Variants in RCC1L observed in about 807,000 individuals in gnomAD.
RCC1L encodes RCC1 like.
Under a neutral mutation model 58.6 loss-of-function variants are expected in RCC1L, and 46 were observed. That is an observed-to-expected ratio of 0.79 (90% confidence interval 0.62 to 1.00). RCC1L has a LOEUF of 1.00. Among genes scored for constraint, RCC1L ranks in the 50% least tolerant of loss-of-function variants. The pLI is 0.00. For synonymous variants in RCC1L, 281 were observed against 262.9 expected (o/e 1.07, Z -0.67); for missense variants, 636 against 623.6 (o/e 1.02, Z -0.21).
chr7:75,042,101 T>C (rs1772279669), downstream of RCC1L: 2 of 835,530 alleles, frequency 2.4e-6, no homozygotes, highest in African/African-American at 3.7e-5. Context: ...TTTCACTGGC[T>C]TCTGCCTCTG....
downstream of RCC1L, among the ~76,000 whole-genome samples, chr7:75,040,157 C>T (rs1805520952): frequency 6.6e-6 from 1 of 152,104 alleles, no homozygotes; most frequent in South Asian, 2.1e-4. Context: ...TTGCTATGTC[C>T]AAAGTCAAGA....
At position 75,066,692 on chromosome 7, in the gene RCC1L, G is replaced by C; in HGVS notation, c.555C>G (p.His185Gln). 6.2e-7 allele frequency: 1 copy of C among 1,613,206 alleles called. No individual in the cohort carries two copies. Among genetic ancestry groups the C allele is most frequent in the Non-Finnish European group, 8.5e-7 (1 of 1,179,558 alleles). The part of the protein sequence containing the change: ...RVLQVSCGRA[H>Q]SLVLTDREGV... Reference sequence around the variant, plus strand: ...CTTCCCTGTCAGTCAACACAAGAGAGTGAGCTCGGCCGCAGGAGACCTGCA... The same window carrying C: ...CTTCCCTGTCAGTCAACACAAGAGACTGAGCTCGGCCGCAGGAGACCTGCA... The change falls in exon 3 of 11, where the codon CAC becomes CAG. Residue 185 changes from histidine (H) to glutamine (Q), a missense_variant. Coordinates refer to ENST00000610322, the MANE Select transcript of RCC1L (RefSeq NM_030798.5).
intron 2 of RCC1L, among the ~76,000 whole-genome samples, chr7:75,069,751 G>C (rs1442570061): frequency 6.6e-6 from 1 of 151,852 alleles, no homozygotes; most frequent in Non-Finnish European, 1.5e-5. Flanking sequence ...TTTTAGTAGA[G>C]ACGGGGTTTC....
chr7:75,034,229 A>G (rs1701495204), intron 10 of RCC1L, among the ~76,000 whole-genome samples: 1 of 152,178 alleles, frequency 6.6e-6, no homozygotes, highest in African/African-American at 2.4e-5. Context: ...AAGAAAGGTG[A>G]TTGCAGCTGG....
At chr7:75,068,071 C>A (rs1472484519) in intron 2 of RCC1L, among the ~76,000 whole-genome samples, 3 of 151,706 alleles carry the variant, frequency 2.0e-5, no homozygotes, top group Non-Finnish European at 4.4e-5. Flanking sequence ...TGTAATCCCA[C>A]CACTTTGGGA....
At chr7:75,064,801 C>T in intron 3 of RCC1L, 153 bp from the exon 4 acceptor site, 1 of 813,744 alleles carries the variant, frequency 1.2e-6, no homozygotes, top group African/African-American at 1.7e-5. Flanking sequence ...TTCTCAGGCT[C>T]TGCAGAAACT....
At chr7:75,046,894 G>C (rs2131980831) in intron 10 of RCC1L, among the ~76,000 whole-genome samples, 1 of 152,268 alleles carries the variant, frequency 6.6e-6, no homozygotes, top group African/African-American at 2.4e-5. Flanking sequence ...GTGGGGACAA[G>C]AGAGCCAGAG....
rs1470891308 is a variant in RCC1L at position 75,059,200 on chromosome 7, A to G, written c.788-431T>C. 2.1e-4 allele frequency among the ~76,000 whole-genome samples: 32 copies of G among 150,992 alleles called. No homozygotes were observed. The East Asian group carries it at 5.4e-3, about 26-fold the overall frequency. ...GAATGAGACTCTCAAAAAAAAAAAA[A>G]AAAGAAAAAAAAAGAAAAGAAAGAA... On this transcript the variant is annotated intron_variant, in intron 6 of 10. Transcript: ENST00000610322.
In RCC1L at chr7:75,061,225, C is replaced by G; in HGVS notation, c.769G>C (p.Gly257Arg). The G allele has an allele frequency of 6.2e-7, 1 of 1,613,744 alleles. No homozygotes were observed. Residue 257 changes from glycine to arginine, a missense_variant, in exon 6 of 11, where the codon GGT (glycine) becomes CGT (arginine). Gly to Arg is a moderately radical substitution (Grantham distance 125, BLOSUM62 -2). Coordinates refer to ENST00000610322, the MANE Select transcript of RCC1L (RefSeq NM_030798.5). ...ACTCTACCTGTTTGCCCATCAGCAC[C>G]CCATCCACAAGAATAGACTTCTCCT... ...DKGEVYSCGWGADGQTGLGHY... is the reference protein window; with the variant it reads ...DKGEVYSCGWRADGQTGLGHY...
chr7:75,034,939 C>T (rs904182000), intron 10 of RCC1L, among the ~76,000 whole-genome samples: 11 of 152,174 alleles, frequency 7.2e-5, no homozygotes, highest in Non-Finnish European at 1.5e-4. Flanking sequence ...CAGGCATCAG[C>T]CACTATGGGT....
intron 9 of RCC1L, among the ~76,000 whole-genome samples, chr7:75,053,771 A>C (rs1239495033): frequency 6.6e-6 from 1 of 152,124 alleles, no homozygotes; most frequent in Non-Finnish European, 1.5e-5. Flanking sequence ...AGGCAGAGGA[A>C]GTGACATGGA....
intron 10 of RCC1L, chr7:75,028,211 C>G: frequency 1.2e-6 from 1 of 852,146 alleles, no homozygotes; most frequent in Non-Finnish European, 1.7e-6. Context: ...ACCTCCACTT[C>G]CTGGGTTCAA....
In RCC1L at chr7:75,066,558, T is replaced by C; in HGVS notation, c.583+106A>G. 4.0e-6 allele frequency: 6 copies of C among 1,495,054 alleles called. No individual in the cohort carries two copies. In the South Asian group the frequency reaches 7.1e-5, roughly 18 times the overall value. 92.6% of individuals were successfully genotyped at this position (1,495,054 alleles called of 1,614,324 possible). The stretch of plus-strand genomic sequence containing the variant: ...CTCAGGAAATACCACATTTCACTCA[T>C]TAGATGTGGCTCAATCGATCAAGCC... On this transcript the variant is annotated intron_variant, in intron 3 of 10. Transcript: ENST00000610322.
chr7:75,040,106 A>G (rs1805519679), downstream of RCC1L, among the ~76,000 whole-genome samples: 3 of 152,246 alleles, frequency 2.0e-5, no homozygotes, highest in South Asian at 6.2e-4. Flanking sequence ...AGCTGGAAGA[A>G]AGAAAAGACA....
chr7:75,065,598 T>C (rs1308443992), intron 3 of RCC1L, among the ~76,000 whole-genome samples: 6 of 152,036 alleles, frequency 3.9e-5, no homozygotes, highest in Non-Finnish European at 8.8e-5. Flanking sequence ...TGTGATCACA[T>C]TGACCTTTCC....
chr7:75,030,258 AGAGT>A (rs1355331090), intron 10 of RCC1L, among the ~76,000 whole-genome samples: 3 of 152,238 alleles, frequency 2.0e-5, no homozygotes, highest in Non-Finnish European at 2.9e-5. Context: ...CCTATGCATT[AGAGT>A]GTGTGCGTGC....
intron 10 of RCC1L, among the ~76,000 whole-genome samples, chr7:75,052,009 T>C (rs1419509100): frequency 6.6e-6 from 1 of 152,158 alleles, no homozygotes; most frequent in African/African-American, 2.4e-5. Flanking sequence ...AAAACCTCCT[T>C]TTTTAGAATG....
chr7:75,068,854 A>G lies in RCC1L; in HGVS notation c.454+1786T>C. Among the ~76,000 whole-genome samples, 3 of 152,102 alleles carry G rather than the reference A, an allele frequency of 2.0e-5. No individual in the cohort carries two copies. The Middle Eastern group carries it at 0.01, about 517-fold the overall frequency. On this transcript the variant is annotated intron_variant, in intron 2 of 10. Transcript: ENST00000610322. ...TCTGGGTAATTTCCTATGTTATTTT[A>G]TATTTATTTATTTATTTATCTTTTA...
In RCC1L at chr7:75,042,504, G is replaced by T. The variant is rs944789849; in HGVS notation, c.*528C>A. On this transcript the variant is annotated 3_prime_UTR_variant, in exon 11 of 11. Transcript: ENST00000610322. The stretch of plus-strand genomic sequence containing the variant: ...ACGGTGCTTCTAGTGTCCCCCCAGC[G>T]AGCTTGCGGTGTGGCAGGCGGCCAG... The T allele has an allele frequency of 4.0e-6, 4 of 990,410 alleles. No homozygotes were observed. In the African/African-American group the frequency reaches 7.0e-5, roughly 17 times the overall value. The allele number at this position is 990,410 out of a possible 1,614,324, so 61.4% of individuals were successfully genotyped here.
Sources: gnomAD v4.1 joint callset for allele counts (sites outside exome capture counted in the v4.1 genomes callset) on GRCh38, gnomAD v4.1.1 for gene constraint, MANE v1.5 for transcripts, NCBI Gene and HGNC (gene_info 2026-07-23, HGNC 2026-07-21) for gene names.